OSBPL3: variants seen among roughly 807,000 people sequenced by gnomAD.
OSBPL3 encodes the protein oxysterol binding protein like 3.
Under a neutral mutation model 120.1 loss-of-function variants are expected in OSBPL3, and 65 were observed. The ratio of observed to expected loss-of-function variants is 0.54; its 90% CI spans 0.44 to 0.67. The LOEUF is 0.67. Among genes scored for constraint, OSBPL3 ranks in the 30% least tolerant of loss-of-function variants. The probability of loss-of-function intolerance (pLI) is 0.00; values close to 1 mark genes in which losing one functional copy is unlikely to be tolerated. For synonymous variants in OSBPL3, 416 were observed against 402.6 expected (o/e 1.03, Z -0.40); for missense variants, 1,004 against 1,082.1 (o/e 0.93, Z 1.01).
intron 2 of OSBPL3, among the ~76,000 whole-genome samples, chr7:24,886,508 C>T (rs907473771): frequency 6.6e-6 from 1 of 152,164 alleles, no homozygotes; most frequent in Non-Finnish European, 1.5e-5. Flanking sequence ...TTTTTGCTCC[C>T]GCATGTTCTC....
rs1450979798 is a variant in OSBPL3, at chr7:24,852,234, C to T, written c.1158+270G>A. On this transcript the variant is annotated intron_variant, in intron 11 of 22. Coordinates refer to ENST00000313367, the MANE Select transcript of OSBPL3 (RefSeq NM_015550.4). This position sits in a 1 kb window ranked among gnomAD's most constrained non-coding sequence, Gnocchi z 4.1. Reference sequence around the variant, plus strand: ...ACGCACACATACACACAAAAACGTACAATAAAAATGTTAGAGAAACAAAAA... The same window carrying T: ...ACGCACACATACACACAAAAACGTATAATAAAAATGTTAGAGAAACAAAAA... 6.6e-6 allele frequency among the ~76,000 whole-genome samples: 1 copy of T among 151,774 alleles called. No homozygotes were observed. The highest frequency in any genetic ancestry group is 1.5e-5 in the Non-Finnish European group (1 of 67,972).
chr7:24,800,210 G>A lies in OSBPL3; in HGVS notation c.2637C>T (p.Ser879=). 6.2e-7 allele frequency: 1 copy of A among 1,607,634 alleles called. No homozygotes were observed. The highest frequency in any genetic ancestry group is 8.5e-7 in the Non-Finnish European group (1 of 1,174,252). ...ACCATAAGACAGGATGGTCCAGTTT[G>A]GAAAAACCAAGATCTTTTCTAAGTT... is the stretch of plus-strand genomic sequence containing the variant. ...YLELRKDLGF[S]KLDHPVLW The change falls in exon 23 of 23, where the codon TCC becomes TCT. Residue 879 remains serine, a synonymous_variant. Transcript: ENST00000313367.
At chr7:24,924,476 G>A (rs1169236556) in intron 1 of OSBPL3, among the ~76,000 whole-genome samples, 1 of 152,180 alleles carries the variant, frequency 6.6e-6, no homozygotes, top group Non-Finnish European at 1.5e-5. Flanking sequence ...CTTTCCTATT[G>A]CTATGATACC....
rs367598759 is a variant in OSBPL3, at chr7:24,892,382, G to C, written c.91C>G (p.Arg31Gly). The part of the protein sequence containing the change: ...TSSCSSKQGS[R>G]QDSWEVVEGL... ...TTGCATGAGTTAAACTTTACCTGTC[G>C]ACTTCCTTGCTTGGAAGAGCAGCTA... The change falls in exon 2 of 23, where the codon CGA (arginine) becomes GGA (glycine). Residue 31 changes from arginine (R) to glycine (G), a missense_variant. Transcript: ENST00000313367. 77 of 1,612,736 alleles carry C rather than the reference G, an allele frequency of 4.8e-5. No homozygotes were observed. The highest frequency in any genetic ancestry group is 6.4e-5 in the Non-Finnish European group (75 of 1,179,094).
At position 24,822,412 on chromosome 7, in the gene OSBPL3, C is replaced by T. The variant is rs1021559444; in HGVS notation, c.1885-2174G>A. Among the ~76,000 whole-genome samples, 33 of 152,034 alleles carry T rather than the reference C, an allele frequency of 2.2e-4. No homozygotes were observed. Among genetic ancestry groups the T allele is most frequent in the African/African-American group, 6.8e-4 (28 of 41,382 alleles). On this transcript the variant is annotated intron_variant, in intron 16 of 22. Coordinates refer to ENST00000313367, the MANE Select transcript of OSBPL3 (RefSeq NM_015550.4). The surrounding 1 kb of genome is among the most constrained non-coding windows in gnomAD (Gnocchi z 5.8). ...TCCAGGAGTTCAAGACCAGCCTGGGCAACATAGTGAGACACTATCTATAAT... is the reference window on the plus strand; with the variant it reads ...TCCAGGAGTTCAAGACCAGCCTGGGTAACATAGTGAGACACTATCTATAAT...
Position 24,894,840 on chromosome 7 carries a change from G to A in OSBPL3, c.-149-2219C>T, listed in dbSNP as rs562244240. Among the ~76,000 whole-genome samples the A allele has an allele frequency of 6.6e-6, 1 of 152,254 alleles. No individual in the cohort carries two copies. Among genetic ancestry groups the A allele is most frequent in the African/African-American group, 2.4e-5 (1 of 41,540 alleles). On this transcript the variant is annotated intron_variant, in intron 1 of 22. Coordinates refer to ENST00000313367, the MANE Select transcript of OSBPL3 (RefSeq NM_015550.4). This position sits in a 1 kb window ranked among gnomAD's most constrained non-coding sequence, Gnocchi z 4.1. Reference sequence around the variant, plus strand: ...CCTGTCCTAGAGGCAGCTGATACAGGGTCATCTTTATCTCTTTGTCCTGCA... The same window carrying A: ...CCTGTCCTAGAGGCAGCTGATACAGAGTCATCTTTATCTCTTTGTCCTGCA...
chr7:24,847,505 C>A (rs1798592405), intron 12 of OSBPL3, among the ~76,000 whole-genome samples: 1 of 152,138 alleles, frequency 6.6e-6, no homozygotes, highest in African/African-American at 2.4e-5. Flanking sequence ...AGGTATGCTA[C>A]TTTTAAGATC....
At chr7:24,885,096 C>T (rs1562882642) in intron 2 of OSBPL3, among the ~76,000 whole-genome samples, 1 of 151,960 alleles carries the variant, frequency 6.6e-6, no homozygotes, top group East Asian at 1.9e-4. Flanking sequence ...CAGGTGCACA[C>T]CTGTAGTCCC....
chr7:24,829,817 T>C (rs754841731), intron 16 of OSBPL3, among the ~76,000 whole-genome samples: 12 of 152,192 alleles, frequency 7.9e-5, no homozygotes, highest in Non-Finnish European at 1.6e-4. Context: ...TTTAGGTAAA[T>C]AATCCCCTGT....
chr7:24,868,253 G>C (rs1801609007), intron 5 of OSBPL3, among the ~76,000 whole-genome samples: 1 of 149,976 alleles, frequency 6.7e-6, no homozygotes, highest in Non-Finnish European at 1.5e-5. Flanking sequence ...GGAGGGGGAG[G>C]TTGCAATAAG....
chr7:24,928,230 C>T (rs943430969), intron 1 of OSBPL3, among the ~76,000 whole-genome samples: 1 of 141,276 alleles, frequency 7.1e-6, no homozygotes, highest in Non-Finnish European at 1.5e-5. Flanking sequence ...CTCGCTCTGT[C>T]ACCCAGGCTG....
Position 24,822,428 on chromosome 7 carries a change from T to G in OSBPL3, c.1885-2190A>C, listed in dbSNP as rs999082848. Among the ~76,000 whole-genome samples, 2 of 152,106 alleles carry G rather than the reference T, an allele frequency of 1.3e-5. No individual in the cohort carries two copies. The highest frequency in any genetic ancestry group is 4.8e-5 in the African/African-American group (2 of 41,396). On this transcript the variant is annotated intron_variant, in intron 16 of 22. Transcript: ENST00000313367. This position sits in a 1 kb window ranked among gnomAD's most constrained non-coding sequence, Gnocchi z 5.8. ...CAGCCTGGGCAACATAGTGAGACAC[T>G]ATCTATAATAATAATAACCATTAAT...
intron 1 of OSBPL3, among the ~76,000 whole-genome samples, chr7:24,921,827 C>G (rs535500664): frequency 6.6e-6 from 1 of 152,304 alleles, no homozygotes; most frequent in Non-Finnish European, 1.5e-5. Context: ...CAAGAGTTCA[C>G]ATTATGGGAT....
Position 24,916,037 on chromosome 7 carries a change from A to G in OSBPL3, c.-149-23416T>C, listed in dbSNP as rs1053898817. On this transcript the variant is annotated intron_variant, in intron 1 of 22. Transcript: ENST00000313367. This position sits in a 1 kb window ranked among gnomAD's most constrained non-coding sequence, Gnocchi z 4.9. ...AAAAATAAAACAAGCAGCATACATC[A>G]GAAAGCCAGGCAGGGACAAAGGGAG... 8.5e-5 allele frequency among the ~76,000 whole-genome samples: 13 copies of G among 152,214 alleles called. No individual in the cohort carries two copies. The highest frequency in any genetic ancestry group is 3.1e-4 in the African/African-American group (13 of 41,460).
chr7:24,892,426 G>T lies in OSBPL3; in HGVS notation c.47C>A (p.Ser16Ter), dbSNP rs1805498528. ...GCAGCTACTTGTGCTCCTTGAAGGT[G>T]ATACCAATTTTTGGGACACACCAAG... Reference protein sequence around the residue: ...KNLGVSQKLVSPSRSTSSCSS... With the variant: ...KNLGVSQKLV Residue 16 changes from serine (S) to a stop codon, truncating the protein, a stop_gained, in exon 2 of 23, where the codon TCA becomes TAA. Transcript: ENST00000313367. LOFTEE classifies it high-confidence loss of function. The T allele has an allele frequency of 6.2e-7, 1 of 1,613,702 alleles. No homozygotes were observed. Among genetic ancestry groups the T allele is most frequent in the Non-Finnish European group, 8.5e-7 (1 of 1,179,716 alleles).
intron 10 of OSBPL3, among the ~76,000 whole-genome samples, chr7:24,860,083 A>G (rs1473034356): frequency 6.6e-6 from 1 of 152,158 alleles, no homozygotes. Context: ...TTTTATTCAG[A>G]TTTCACCAGA....
At position 24,806,713 on chromosome 7, in the gene OSBPL3, TA is replaced by T. The variant is rs1209600575; in HGVS notation, c.2444+62del. On this transcript the variant is annotated intron_variant, in intron 21 of 22. Coordinates refer to ENST00000313367, the MANE Select transcript of OSBPL3 (RefSeq NM_015550.4). This position sits in a 1 kb window ranked among gnomAD's most constrained non-coding sequence, Gnocchi z 5.2. ...GTGCCTCTGGTGGCCTAAGGATTGT[TA>T]ATAAGACTTTTTGTAAAGGGTTTTA... is the stretch of plus-strand genomic sequence containing the variant. 1.3e-5 allele frequency: 20 copies of T among 1,531,220 alleles called. No individual in the cohort carries two copies. The Admixed American group carries it at 3.7e-4, about 28-fold the overall frequency. The allele number at this position is 1,531,220 out of a possible 1,614,324, so 94.9% of individuals were successfully genotyped here.
chr7:24,969,935 T>C (rs931042294), intron 1 of OSBPL3, among the ~76,000 whole-genome samples: 4 of 152,126 alleles, frequency 2.6e-5, no homozygotes, highest in African/African-American at 4.8e-5. Flanking sequence ...TTAGGACTTA[T>C]ACCACTTGGG....
intron 20 of OSBPL3, among the ~76,000 whole-genome samples, chr7:24,807,865 A>G (rs1793265598): frequency 6.6e-6 from 1 of 152,096 alleles, no homozygotes; most frequent in African/African-American, 2.4e-5. Flanking sequence ...CACACATAAC[A>G]AGAGAAATGC....
Sources: allele counts gnomAD v4.1 joint callset (sites outside exome capture counted in the v4.1 genomes callset), GRCh38; gene constraint gnomAD v4.1.1; non-coding constraint Gnocchi (gnomAD v3.1); transcripts MANE v1.5; gene names NCBI Gene and HGNC (gene_info 2026-07-23, HGNC 2026-07-21).